The following ARHGAP25 variants were observed in gnomAD, a reference collection of about 807,000 sequenced individuals.
ARHGAP25 encodes the protein rho GTPase-activating protein 25.
ARHGAP25 carries 34 observed loss-of-function variants against 71.0 expected under a neutral mutation model. That is an observed-to-expected ratio of 0.48 (90% CI 0.36 to 0.64). ARHGAP25 has a LOEUF of 0.64. ARHGAP25 is among the 30% of genes least tolerant of loss of function. The pLI is 0.00. For missense variants in ARHGAP25, 706 were observed against 805.1 expected, an observed-to-expected ratio of 0.88 and a Z score of 1.49; for synonymous variants, 282 against 296.5, an observed-to-expected ratio of 0.95 and a Z score of 0.50.
At chr2:68,769,097 G>A (rs953684287) in intron 1 of ARHGAP25, among the ~76,000 whole-genome samples, 3 of 152,098 alleles carry the variant, frequency 2.0e-5, no homozygotes, top group African/African-American at 7.2e-5. Context: ...CTCAGTATTA[G>A]CCTCTCATAT....
At chr2:68,825,815 G>A (rs745856845) in intron 10 of ARHGAP25, among the ~76,000 whole-genome samples, 172 bp from the exon 11 acceptor site, 4 of 152,064 alleles carry the variant, frequency 2.6e-5, no homozygotes, top group Non-Finnish European at 4.4e-5. Context: ...GAAGTACTGT[G>A]GGGATTCAGG....
At chr2:68,741,579 TA>T (rs1177003463) in intron 1 of ARHGAP25, among the ~76,000 whole-genome samples, 2 of 152,156 alleles carry the variant, frequency 1.3e-5, no homozygotes, top group African/African-American at 4.8e-5. Flanking sequence ...TGTTATTATT[TA>T]AAAATATAGA....
intron 1 of ARHGAP25, among the ~76,000 whole-genome samples, chr2:68,765,786 C>G (rs1677087100): frequency 1.3e-5 from 2 of 152,210 alleles, no homozygotes; most frequent in Non-Finnish European, 2.9e-5. Flanking sequence ...CATATTATGA[C>G]TCGTTTCCTG....
chr2:68,821,092 CTTTTTT>C (rs34119311), intron 9 of ARHGAP25, among the ~76,000 whole-genome samples: 6 of 99,450 alleles, frequency 6.0e-5, no homozygotes, highest in African/African-American at 1.2e-4. Flanking sequence ...CTTTTTCTTT[CTTTTTT>C]TTTTTTTTTT....
intron 1 of ARHGAP25, among the ~76,000 whole-genome samples, chr2:68,769,636 C>T (rs186175917): frequency 2.4e-4 from 36 of 152,212 alleles, no homozygotes; most frequent in Admixed American, 2.2e-3. Context: ...CCAAGCAAGG[C>T]GACAAAGGCT....
intron 2 of ARHGAP25, among the ~76,000 whole-genome samples, chr2:68,781,716 A>G: frequency 6.6e-6 from 1 of 152,192 alleles, no homozygotes; most frequent in East Asian, 1.9e-4. Flanking sequence ...TTACATAATG[A>G]TACTTTCCTT....
chr2:68,719,093 C>T (rs1334921049), intron 2 of ARHGAP25, among the ~76,000 whole-genome samples: 4 of 152,170 alleles, frequency 2.6e-5, no homozygotes, highest in Admixed American at 2.6e-4. Flanking sequence ...GAAGCTCCTG[C>T]ACTCAGAGCC....
intron 2 of ARHGAP25, among the ~76,000 whole-genome samples, chr2:68,710,955 A>G (rs1033895618): frequency 1.2e-4 from 19 of 152,316 alleles, no homozygotes; most frequent in African/African-American, 4.1e-4. Flanking sequence ...TATGGTTCTC[A>G]GAGTCTTTTC....
At chr2:68,749,539 T>C (rs992187645) in intron 1 of ARHGAP25, among the ~76,000 whole-genome samples, 3 of 152,212 alleles carry the variant, frequency 2.0e-5, no homozygotes, top group African/African-American at 7.2e-5. Context: ...TTATTCTCTG[T>C]GAGCACCCCA....
At chr2:68,717,681 T>C (rs561154924) in intron 2 of ARHGAP25, among the ~76,000 whole-genome samples, 1 of 152,322 alleles carries the variant, frequency 6.6e-6, no homozygotes, top group East Asian at 1.9e-4. Flanking sequence ...CATATTCCTA[T>C]GGCTTTTCTT....
chr2:68,821,283 A>G (rs1289669141), intron 9 of ARHGAP25, among the ~76,000 whole-genome samples: 1 of 151,838 alleles, frequency 6.6e-6, no homozygotes, highest in African/African-American at 2.4e-5. Context: ...TATTTTTTGT[A>G]GAGACAAGGT....
chr2:68,809,919 T>C (rs777916999), intron 5 of ARHGAP25, among the ~76,000 whole-genome samples: 24 of 152,304 alleles, frequency 1.6e-4, no homozygotes, highest in Admixed American at 4.6e-4. Flanking sequence ...GCCAAGTTTC[T>C]ACCAGGATGG....
intron 1 of ARHGAP25, among the ~76,000 whole-genome samples, chr2:68,741,333 A>G (rs778629458): frequency 8.5e-5 from 13 of 152,172 alleles, no homozygotes; most frequent in African/African-American, 2.4e-4. Flanking sequence ...TTGCTTGGGA[A>G]TTCAGTGCTC....
intron 10 of ARHGAP25, among the ~76,000 whole-genome samples, chr2:68,825,628 A>C (rs1682062859): frequency 6.6e-6 from 1 of 152,116 alleles, no homozygotes; most frequent in African/African-American, 2.4e-5. Context: ...AGAAAAAATT[A>C]GCTGGGTATG....
chr2:68,776,818 CA>C (rs978494197), intron 2 of ARHGAP25, among the ~76,000 whole-genome samples: 1 of 152,110 alleles, frequency 6.6e-6, no homozygotes, highest in Non-Finnish European at 1.5e-5. Flanking sequence ...GGAGCCAGAA[CA>C]AAATCCCGAG....
intron 2 of ARHGAP25, among the ~76,000 whole-genome samples, chr2:68,716,119 A>G (rs1000791279): frequency 5.3e-5 from 8 of 152,162 alleles, no homozygotes; most frequent in Non-Finnish European, 1.2e-4. Flanking sequence ...CCAGAAGTTA[A>G]TGAAAATCCT....
upstream of ARHGAP25, among the ~76,000 whole-genome samples, chr2:68,731,221 C>T (rs112922273): frequency 5.7e-3 from 868 of 152,148 alleles, 7 homozygotes; most frequent in African/African-American, 0.02. Flanking sequence ...CTAAGCCCAC[C>T]GTTTTCTCCT....
chr2:68,748,982 A>T (rs1675999134), intron 1 of ARHGAP25, among the ~76,000 whole-genome samples: 1 of 152,144 alleles, frequency 6.6e-6, no homozygotes, highest in Admixed American at 6.5e-5. Flanking sequence ...GTTTTGTAGT[A>T]TGGGCAGTTA....
At chr2:68,775,587 G>A (rs1445342071) in intron 2 of ARHGAP25, 167 bp downstream of exon 2, 1 of 1,087,850 alleles carries the variant, frequency 9.2e-7, no homozygotes, top group Non-Finnish European at 1.4e-6. Context: ...CATAAACTGA[G>A]TTGCAAAGAT....
Sources: allele counts gnomAD v4.1 joint callset (sites outside exome capture counted in the v4.1 genomes callset), GRCh38; gene constraint gnomAD v4.1.1; transcripts MANE v1.5; gene names NCBI Gene and HGNC (gene_info 2026-07-23, HGNC 2026-07-21).